Variants in SLC9A9 observed in about 807,000 individuals in gnomAD.
SLC9A9 encodes the protein sodium/hydrogen exchanger 9.
In SLC9A9, 62 loss-of-function variants were observed where a neutral mutation model predicts 77.8. The ratio of observed to expected loss-of-function variants is 0.80; its 90% CI spans 0.65 to 0.98. SLC9A9 has a LOEUF of 0.98. SLC9A9 is among the 50% of genes least tolerant of loss of function. The pLI, the probability that SLC9A9 is intolerant of heterozygous loss-of-function variation, is 0.00. For missense variants in SLC9A9, 775 were observed against 774.9 expected, an observed-to-expected ratio of 1.00 and a Z score of 0.00; for synonymous variants, 320 against 283.5, an observed-to-expected ratio of 1.13 and a Z score of -1.29.
At chr3:143,324,048 A>G (rs749335024) in intron 14 of SLC9A9, among the ~76,000 whole-genome samples, 22 of 152,166 alleles carry the variant, frequency 1.4e-4, no homozygotes, top group Non-Finnish European at 2.9e-4. Context: ...GGTAGAGGTA[A>G]CAATCCAGGT....
chr3:143,767,376 ATGTG>A lies in SLC9A9; in HGVS notation c.533+27621_533+27624del, dbSNP rs142594079. On this transcript the variant is annotated intron_variant, in intron 4 of 15. Transcript: ENST00000316549. Reference sequence around the variant, plus strand: ...TTTGTGAAACAGTAAGTGTCTGTGTATGTGTGTGTGTGTGTGTGTGTGTGTGTGT... The same window carrying A: ...TTTGTGAAACAGTAAGTGTCTGTGTATGTGTGTGTGTGTGTGTGTGTGTGT... Among the ~76,000 whole-genome samples, 682 of 141,346 alleles carry A rather than the reference ATGTG, an allele frequency of 4.8e-3. 7 individuals carry two copies. Among genetic ancestry groups the A allele is most frequent in the African/African-American group, 0.013 (495 of 38,758 alleles). The allele number at this position is 141,346 out of a possible 152,430, so 92.7% of individuals were successfully genotyped here. A position where few individuals can be genotyped will look rare whatever the true frequency, so the allele number is the denominator to read the frequency against.
chr3:143,383,055 C>T (rs2033341544), intron 12 of SLC9A9, among the ~76,000 whole-genome samples: 1 of 152,250 alleles, frequency 6.6e-6, no homozygotes, highest in Non-Finnish European at 1.5e-5. Flanking sequence ...AAGCAATGCA[C>T]AGTGTACTTA....
chr3:143,323,948 C>T lies in SLC9A9; in HGVS notation c.1604+39536G>A, dbSNP rs78238423. 2.3e-3 allele frequency among the ~76,000 whole-genome samples: 344 copies of T among 151,918 alleles called. 2 individuals carry two copies. Among genetic ancestry groups the T allele is most frequent in the African/African-American group, 7.9e-3 (328 of 41,418 alleles). ...GTTTGTCAGTTTAAGAAAAAGGTTA[C>T]CTAATTTTCCAATTATTTAGTTGGT... On this transcript the variant is annotated intron_variant, in intron 14 of 15. Coordinates refer to ENST00000316549, the MANE Select transcript of SLC9A9 (RefSeq NM_173653.4).
rs148135127 is a variant in SLC9A9 at position 143,461,566 on chromosome 3, T to C, written c.1469+5471A>G. ...TTATAATGTTCGAAAGGGGTAGATA[T>C]CATTATTCCAATTTTACAGATTAAG... On this transcript the variant is annotated intron_variant, in intron 12 of 15. Coordinates refer to ENST00000316549, the MANE Select transcript of SLC9A9 (RefSeq NM_173653.4). Among the ~76,000 whole-genome samples, 420 of 152,278 alleles carry C rather than the reference T, an allele frequency of 2.8e-3. 4 individuals are homozygous for C. The highest frequency in any genetic ancestry group is 9.8e-3 in the African/African-American group (409 of 41,552).
intron 6 of SLC9A9, among the ~76,000 whole-genome samples, chr3:143,647,885 G>C (rs188495462): frequency 6.6e-6 from 1 of 152,046 alleles, no homozygotes; most frequent in Non-Finnish European, 1.5e-5. Flanking sequence ...TTAACTAAGT[G>C]ATTCATTCCT....
chr3:143,604,427 A>T (rs2037890477), intron 6 of SLC9A9, among the ~76,000 whole-genome samples: 1 of 152,236 alleles, frequency 6.6e-6, no homozygotes, highest in Admixed American at 6.5e-5. Flanking sequence ...AAACTAGGTG[A>T]CAGACACAGT....
At chr3:143,756,391 C>T (rs563161429) in intron 4 of SLC9A9, among the ~76,000 whole-genome samples, 5 of 152,296 alleles carry the variant, frequency 3.3e-5, no homozygotes, top group Non-Finnish European at 5.9e-5. Context: ...TTTCCACACA[C>T]TACCTAAATC....
At chr3:143,615,999 GC>G (rs2038098285) in intron 6 of SLC9A9, among the ~76,000 whole-genome samples, 1 of 151,430 alleles carries the variant, frequency 6.6e-6, no homozygotes. Context: ...TCCTGCCTCA[GC>G]CTCCCAAGTA....
At chr3:143,307,137 G>T (rs1474783823) in intron 14 of SLC9A9, among the ~76,000 whole-genome samples, 2 of 152,242 alleles carry the variant, frequency 1.3e-5, no homozygotes, top group African/African-American at 4.8e-5. Context: ...CTGCAGAGAA[G>T]ATGATGTACA....
intron 9 of SLC9A9, among the ~76,000 whole-genome samples, chr3:143,512,314 A>G (rs895257070): frequency 6.6e-6 from 1 of 152,258 alleles, no homozygotes; most frequent in Non-Finnish European, 1.5e-5. Context: ...CTAAGGAAAT[A>G]ATGTAACAAG....
At chr3:143,549,002 TGGCAACAGA>T (rs2036836749) in intron 9 of SLC9A9, among the ~76,000 whole-genome samples, 1 of 152,244 alleles carries the variant, frequency 6.6e-6, no homozygotes, top group South Asian at 2.1e-4. Context: ...TAAACAGTCC[TGGCAACAGA>T]GGCAAAGCAG....
chr3:143,307,796 A>T (rs2030854719), intron 14 of SLC9A9, among the ~76,000 whole-genome samples: 1 of 152,024 alleles, frequency 6.6e-6, no homozygotes, highest in Non-Finnish European at 1.5e-5. Context: ...CCTACATGCA[A>T]CCCACTAGAT....
rs992865725 is a variant in SLC9A9, at chr3:143,602,881, G to A, written c.756-24158C>T. 3.3e-5 allele frequency among the ~76,000 whole-genome samples: 5 copies of A among 152,160 alleles called. No homozygotes were observed. In the South Asian group the frequency reaches 1.0e-3, roughly 32 times the overall value. On this transcript the variant is annotated intron_variant, in intron 6 of 15. Transcript: ENST00000316549. The stretch of plus-strand genomic sequence containing the variant: ...TCCTAAAAATATAGCATTTGAAATG[G>A]CATTTCCAAGATTTGTGGATAAGAA...
chr3:143,490,038 T>C (rs777400214), intron 11 of SLC9A9, among the ~76,000 whole-genome samples: 6 of 152,084 alleles, frequency 3.9e-5, no homozygotes, highest in Non-Finnish European at 8.8e-5. Context: ...GGCCAGAATG[T>C]GGAGAAATAA....
intron 12 of SLC9A9, among the ~76,000 whole-genome samples, chr3:143,429,524 T>G (rs114465795): frequency 0.018 from 2,774 of 152,350 alleles, 84 homozygotes; most frequent in African/African-American, 0.064. Flanking sequence ...AGTCCATCCC[T>G]GCTACCTTTC....
At chr3:143,689,340 A>C (rs1933381493) in intron 5 of SLC9A9, among the ~76,000 whole-genome samples, 1 of 152,200 alleles carries the variant, frequency 6.6e-6, no homozygotes, top group African/African-American at 2.4e-5. Context: ...CTATCAATAG[A>C]AGACTGATTG....
chr3:143,395,597 T>C (rs1190699256), intron 12 of SLC9A9, among the ~76,000 whole-genome samples: 1 of 151,942 alleles, frequency 6.6e-6, no homozygotes, highest in Non-Finnish European at 1.5e-5. Flanking sequence ...AATAGACAAA[T>C]GGGATCTAAT....
chr3:143,460,589 A>G (rs551286651), intron 12 of SLC9A9, among the ~76,000 whole-genome samples: 1 of 152,320 alleles, frequency 6.6e-6, no homozygotes, highest in South Asian at 2.1e-4. Context: ...AGAGAAGCTT[A>G]TTGATACCGA....
At chr3:143,336,353 A>G (rs1459472542) in intron 14 of SLC9A9, among the ~76,000 whole-genome samples, 2 of 152,206 alleles carry the variant, frequency 1.3e-5, no homozygotes, top group Non-Finnish European at 2.9e-5. Context: ...AATTAAAAAT[A>G]GAACTACCAT....
Sources: allele counts gnomAD v4.1 joint callset (sites outside exome capture counted in the v4.1 genomes callset), GRCh38; gene constraint gnomAD v4.1.1; transcripts MANE v1.5; gene names NCBI Gene and HGNC (gene_info 2026-07-23, HGNC 2026-07-21).